The following LYPD6 variants were observed in gnomAD, a reference collection of about 807,000 sequenced individuals.
The protein encoded by LYPD6 is LY6/PLAUR domain containing 6, also known as ly6/PLAUR domain-containing protein 6.
A neutral mutation model predicts 22.7 loss-of-function variants in LYPD6; 15 were observed. That is an observed-to-expected ratio of 0.66 (90% CI 0.44 to 1.02). The LOEUF (loss-of-function observed/expected upper bound fraction) is 1.02, where lower values mean the gene tolerates loss of function less well. LYPD6 is among the 50% of genes least tolerant of loss of function. LYPD6 has a pLI of 0.00. For missense variants in LYPD6, 189 were observed against 208.4 expected (o/e 0.91, Z 0.57); for synonymous variants, 72 against 77.5 (o/e 0.93, Z 0.37).
intron 1 of LYPD6, among the ~76,000 whole-genome samples, chr2:149,348,293 G>T (rs1681296736): frequency 6.6e-6 from 1 of 152,152 alleles, no homozygotes; most frequent in South Asian, 2.1e-4. Flanking sequence ...TACAGGAATA[G>T]AGGCAGAAAA....
intron 1 of LYPD6, among the ~76,000 whole-genome samples, chr2:149,371,321 A>T (rs1273079063): frequency 6.6e-6 from 1 of 152,136 alleles, no homozygotes; most frequent in Non-Finnish European, 1.5e-5. Context: ...TTACCAGAAG[A>T]CCTGGAAGGT....
At chr2:149,461,435 T>G (rs577311546) in intron 3 of LYPD6, among the ~76,000 whole-genome samples, 1 of 151,938 alleles carries the variant, frequency 6.6e-6, no homozygotes, top group South Asian at 2.1e-4. Context: ...CCAAATAATT[T>G]CACTGGAGAA....
the LYPD6 span, among the ~76,000 whole-genome samples, chr2:149,480,015 C>A: frequency 7.0e-6 from 1 of 143,848 alleles, no homozygotes; most frequent in East Asian, 2.0e-4. Context: ...CCTTTTTTCT[C>A]TCTCTTTTTT....
chr2:149,419,933 A>C (rs1429783341), intron 1 of LYPD6, among the ~76,000 whole-genome samples: 4 of 152,186 alleles, frequency 2.6e-5, no homozygotes, highest in Non-Finnish European at 5.9e-5. Flanking sequence ...TGATATTGGA[A>C]CTATGTTATT....
intron 1 of LYPD6, among the ~76,000 whole-genome samples, chr2:149,377,453 T>C (rs1181776173): frequency 6.6e-6 from 1 of 152,172 alleles, no homozygotes; most frequent in Non-Finnish European, 1.5e-5. Context: ...GAAGGAACAG[T>C]GGCTCTCACA....
intron 1 of LYPD6, among the ~76,000 whole-genome samples, chr2:149,347,377 G>A (rs571192437): frequency 2.0e-5 from 3 of 152,192 alleles, no homozygotes; most frequent in Admixed American, 2.0e-4. Flanking sequence ...TTTATGGTAC[G>A]TATCATTCTT....
intron 2 of LYPD6, among the ~76,000 whole-genome samples, chr2:149,443,025 C>A (rs956790357): frequency 1.9e-4 from 29 of 152,134 alleles, no homozygotes; most frequent in African/African-American, 6.3e-4. Context: ...AGAATTTAAG[C>A]AAAGCTTCAT....
chr2:149,482,352 G>A, the LYPD6 span, among the ~76,000 whole-genome samples: 1 of 152,206 alleles, frequency 6.6e-6, no homozygotes, highest in East Asian at 1.9e-4. Context: ...CCAGAATGCA[G>A]TTACAAAAAT....
At chr2:149,380,821 G>T (rs1025752776) in intron 1 of LYPD6, among the ~76,000 whole-genome samples, 1 of 152,138 alleles carries the variant, frequency 6.6e-6, no homozygotes, top group African/African-American at 2.4e-5. Flanking sequence ...TGAATGAAGG[G>T]TTTAAGGACT....
At chr2:149,371,071 C>G (rs576953792) in intron 1 of LYPD6, among the ~76,000 whole-genome samples, 4 of 152,328 alleles carry the variant, frequency 2.6e-5, no homozygotes, top group African/African-American at 9.6e-5. Flanking sequence ...CTGAGGCTGA[C>G]TCTTTTTATA....
At chr2:149,342,714 G>A (rs1362472) in intron 1 of LYPD6, among the ~76,000 whole-genome samples, 3 of 152,162 alleles carry the variant, frequency 2.0e-5, no homozygotes, top group African/African-American at 4.8e-5. Context: ...CTAACGGCCA[G>A]TGTTCTTTCT....
chr2:149,454,890 C>A (rs1410526803), intron 3 of LYPD6, among the ~76,000 whole-genome samples: 1 of 152,186 alleles, frequency 6.6e-6, no homozygotes, highest in Non-Finnish European at 1.5e-5. Context: ...GGCTGCCCTG[C>A]TAGCTCTGAT....
chr2:149,457,470 G>A (rs1680987839), intron 3 of LYPD6, among the ~76,000 whole-genome samples: 1 of 152,102 alleles, frequency 6.6e-6, no homozygotes. Flanking sequence ...ACAAGAATGG[G>A]CCTGATTCTC....
intron 1 of LYPD6, among the ~76,000 whole-genome samples, chr2:149,389,099 G>T (rs1682251185): frequency 6.6e-6 from 1 of 151,894 alleles, no homozygotes; most frequent in Non-Finnish European, 1.5e-5. Context: ...GTGACTAGAA[G>T]GTTAAAAAAA....
rs1381256985 is a variant in LYPD6 at position 149,403,346 on chromosome 2, A to G, written c.-71-34292A>G. ...GGTTGAACTAGTTTACAGTCCCACCAACAGTGTAAAAGTGTTCCTATTTCT... is the reference window on the plus strand; with the variant it reads ...GGTTGAACTAGTTTACAGTCCCACCGACAGTGTAAAAGTGTTCCTATTTCT... On this transcript the variant is annotated intron_variant, in intron 1 of 4. Coordinates refer to ENST00000334166, the MANE Select transcript of LYPD6 (RefSeq NM_194317.5). 2.9e-3 allele frequency among the ~76,000 whole-genome samples: 439 copies of G among 150,692 alleles called. 2 individuals are homozygous for G. Among genetic ancestry groups the G allele is most frequent in the Non-Finnish European group, 5.3e-3 (360 of 67,636 alleles).
the LYPD6 span, among the ~76,000 whole-genome samples, chr2:149,480,174 T>C: frequency 6.6e-6 from 1 of 152,136 alleles, no homozygotes; most frequent in Non-Finnish European, 1.5e-5. Flanking sequence ...CACATCTGGC[T>C]AACTTTTGTC....
At chr2:149,360,299 G>A (rs747886792) in intron 1 of LYPD6, among the ~76,000 whole-genome samples, 1 of 152,104 alleles carries the variant, frequency 6.6e-6, no homozygotes, top group Non-Finnish European at 1.5e-5. Flanking sequence ...CCTGTATTTT[G>A]TACCAGCCTC....
chr2:149,418,590 G>A (rs1479550965), intron 1 of LYPD6, among the ~76,000 whole-genome samples: 1 of 152,100 alleles, frequency 6.6e-6, no homozygotes. Context: ...TAATTCTCTC[G>A]AGACCTTGCG....
At position 149,468,650 on chromosome 2, in the gene LYPD6, A is replaced by G. The variant is rs1226647506; in HGVS notation, c.223A>G (p.Arg75Gly). The stretch of plus-strand genomic sequence containing the variant: ...TATATTTTCTCTGTTGACAGAGACC[A>G]GATACTGCTACACTCAGCACACAAT... The part of the protein sequence containing the change: ...APDIYCPRET[R>G]YCYTQHTMEV... The change falls in exon 4 of 5, where the codon AGA (arginine) becomes GGA (glycine). Residue 75 changes from arginine (R) to glycine (G), a missense_variant. Transcript: ENST00000334166. The G allele has an allele frequency of 6.2e-7, 1 of 1,612,838 alleles. No individual in the cohort carries two copies. The highest frequency in any genetic ancestry group is 8.5e-7 in the Non-Finnish European group (1 of 1,179,506).
Sources: allele counts gnomAD v4.1 joint callset (sites outside exome capture counted in the v4.1 genomes callset), GRCh38; gene constraint gnomAD v4.1.1; transcripts MANE v1.5; gene names NCBI Gene and HGNC (gene_info 2026-07-23, HGNC 2026-07-21).